The following EMILIN3 variants were observed in gnomAD, a reference collection of about 807,000 sequenced individuals.
EMILIN3 encodes the protein elastin microfibril interfacer 3, also known as EMILIN-3.
Under a neutral mutation model 42.8 loss-of-function variants are expected in EMILIN3, and 38 were observed. That is an observed-to-expected ratio of 0.89 (90% CI 0.69 to 1.16). The LOEUF (loss-of-function observed/expected upper bound fraction) is 1.16, where lower values mean the gene tolerates loss of function less well. Among genes scored for constraint, EMILIN3 ranks in the 50% most tolerant of loss-of-function variants. The pLI, the probability that EMILIN3 is intolerant of heterozygous loss-of-function variation, is 0.00. For synonymous variants in EMILIN3, 430 were observed against 440.5 expected (o/e 0.98, Z 0.30); for missense variants, 924 against 999.5 (o/e 0.92, Z 1.02).
In EMILIN3 at chr20:41,362,691, G is replaced by A. The variant is rs144752547; in HGVS notation, c.878C>T (p.Pro293Leu). Residue 293 changes from proline to leucine, a missense_variant, in exon 4 of 4, where the codon CCG (proline) becomes CTG (leucine). By Grantham distance (98) the Pro-to-Leu change is moderately conservative. Transcript: ENST00000332312. ...LQRLREAPPS[P>L]LTSLALLEEY... Reference sequence around the variant, plus strand: ...CTCCAGCAGGGCCAGGGAGGTGAGCGGGGATGGTGGGGCTTCCCGCAGCCG... The same window carrying A: ...CTCCAGCAGGGCCAGGGAGGTGAGCAGGGATGGTGGGGCTTCCCGCAGCCG... 31 of 1,613,114 alleles carry A rather than the reference G, an allele frequency of 1.9e-5. No individual in the cohort carries two copies. The highest frequency in any genetic ancestry group is 1.2e-4 in the South Asian group (11 of 91,048).
In EMILIN3 at chr20:41,361,954, C is replaced by A. The variant is rs771775276; in HGVS notation, c.1615G>T (p.Ala539Ser). Residue 539 changes from alanine to serine, a missense_variant, in exon 4 of 4, where the codon GCC becomes TCC. Coordinates refer to ENST00000332312, the MANE Select transcript of EMILIN3 (RefSeq NM_052846.2). ...ILDSLVAEVK[A>S]WQSRSEALLR... ...AGGGCCTCGCTCCGGCTCTGCCAGG[C>A]CTTCACCTCTGCCACGAGGCTGTCC... is the stretch of plus-strand genomic sequence containing the variant. The A allele has an allele frequency of 1.2e-6, 2 of 1,612,298 alleles. No homozygotes were observed. Among genetic ancestry groups the A allele is most frequent in the Admixed American group, 1.7e-5 (1 of 59,984 alleles).
chr20:41,363,163 CAG>C (rs2046375826), intron 3 of EMILIN3, 109 bp from the exon 4 acceptor site: 3 of 1,004,294 alleles, frequency 3.0e-6, no homozygotes, highest in African/African-American at 3.4e-5. Context: ...TTTTTTGAGA[CAG>C]AGTCTTGCTC....
intron 2 of EMILIN3, 122 bp downstream of exon 2, chr20:41,364,913 G>C (rs1438907856): frequency 2.8e-6 from 4 of 1,444,082 alleles, no homozygotes; most frequent in African/African-American, 2.8e-5. Flanking sequence ...CTGTATGGGG[G>C]CTCAGGTGGG....
At position 41,361,343 on chromosome 20, in the gene EMILIN3, A is replaced by G. The variant is rs1370705425; in HGVS notation, c.2226T>C (p.Ile742=). Residue 742 remains isoleucine, a synonymous_variant, in exon 4 of 4, where the codon ATT becomes ATC. Transcript: ENST00000332312. ...NRTLAQHTQD[I]ARLRDDLLDC... ...CCAGTAGGTCATCCCGGAGGCGGGC[A>G]ATGTCCTGCGTGTGCTGGGCCAGCG... 1 of 1,611,592 alleles carries G rather than the reference A, an allele frequency of 6.2e-7. No individual in the cohort carries two copies. Among genetic ancestry groups the G allele is most frequent in the Non-Finnish European group, 8.5e-7 (1 of 1,178,490 alleles).
chr20:41,366,462 G>A lies in EMILIN3; in HGVS notation c.167+6C>T. On this transcript the variant is annotated splice_donor_region_variant and intron_variant, in intron 1 of 3. Coordinates refer to ENST00000332312, the MANE Select transcript of EMILIN3 (RefSeq NM_052846.2). This position sits in a 1 kb window ranked among gnomAD's most constrained non-coding sequence, Gnocchi z 4.2. The stretch of plus-strand genomic sequence containing the variant: ...CTCTTCCCGCCCGCCGCCCGCCCGC[G>A]CTTACTTGTGCGGCCCCGGGCGCAG... 8.9e-7 allele frequency: 1 copy of A among 1,126,888 alleles called. No individual in the cohort carries two copies. The allele number at this position is 1,126,888 out of a possible 1,614,324, so 69.8% of individuals were successfully genotyped here.
At chr20:41,363,393 G>A (rs928208639) in intron 3 of EMILIN3, among the ~76,000 whole-genome samples, 5 of 152,082 alleles carry the variant, frequency 3.3e-5, no homozygotes, top group East Asian at 1.9e-4. Context: ...CACCCGCCTC[G>A]GCCTCCCAAA....
In EMILIN3 at chr20:41,364,303, C is replaced by T. The variant is rs1600756092; in HGVS notation, c.291-442G>A. ...AGCCCCCTCACTGCCCTGGGGGCCA[C>T]TCTTGGCTCCTACCTGCTCCCCTTA... On this transcript the variant is annotated intron_variant, in intron 2 of 3. Coordinates refer to ENST00000332312, the MANE Select transcript of EMILIN3 (RefSeq NM_052846.2). Among the ~76,000 whole-genome samples, 4 of 152,282 alleles carry T rather than the reference C, an allele frequency of 2.6e-5. No individual in the cohort carries two copies. The South Asian group carries it at 8.3e-4, about 32-fold the overall frequency.
chr20:41,366,429 A>T lies in EMILIN3; in HGVS notation c.167+39T>A. The T allele has an allele frequency of 1.1e-5, 12 of 1,099,856 alleles. No individual in the cohort carries two copies. The highest frequency in any genetic ancestry group is 1.3e-5 in the Non-Finnish European group (12 of 904,350). 68.1% of individuals were successfully genotyped at this position (1,099,856 alleles called of 1,614,324 possible). A position where few individuals can be genotyped will look rare whatever the true frequency, so the allele number is the denominator to read the frequency against. Reference sequence around the variant, plus strand: ...TGGGAGCGGCGACGCGCGCGGGCCCATCCCTCCCTCTTCCCGCCCGCCGCC... The same window carrying T: ...TGGGAGCGGCGACGCGCGCGGGCCCTTCCCTCCCTCTTCCCGCCCGCCGCC... On this transcript the variant is annotated intron_variant, in intron 1 of 3. Transcript: ENST00000332312. The surrounding 1 kb of genome is among the most constrained non-coding windows in gnomAD (Gnocchi z 4.2).
At chr20:41,363,582 TGCC>T in intron 3 of EMILIN3, 53 bp downstream of exon 3, 1 of 1,512,958 alleles carries the variant, frequency 6.6e-7, no homozygotes, top group Non-Finnish European at 8.9e-7. Flanking sequence ...TCCCTGCCCC[TGCC>T]ACTGAGCCCA....
intron 2 of EMILIN3, 63 bp downstream of exon 2, chr20:41,364,972 C>T: frequency 1.9e-6 from 3 of 1,603,926 alleles, no homozygotes; most frequent in African/African-American, 2.7e-5. Context: ...CTGCTCTCAG[C>T]TGAAGGCAGG....
At position 41,362,114 on chromosome 20, in the gene EMILIN3, A is replaced by G; in HGVS notation, c.1455T>C (p.Ala485=). Residue 485 remains alanine, a synonymous_variant, in exon 4 of 4, where the codon GCT becomes GCC. Coordinates refer to ENST00000332312, the MANE Select transcript of EMILIN3 (RefSeq NM_052846.2). Reference sequence around the variant, plus strand: ...AGGCGCTGTCATGGCTTAGCTCCCCAGCCAATGTTGCTAGGCGCTCCTCGA... The same window carrying G: ...AGGCGCTGTCATGGCTTAGCTCCCCGGCCAATGTTGCTAGGCGCTCCTCGA... ...QSLEERLATL[A]GELSHDSASP... The G allele has an allele frequency of 3.7e-6, 6 of 1,606,214 alleles. No individual in the cohort carries two copies. Among genetic ancestry groups the G allele is most frequent in the African/African-American group, 1.3e-5 (1 of 74,918 alleles).
chr20:41,366,678 C>A lies in EMILIN3; in HGVS notation c.-44G>T. The A allele has an allele frequency of 1.0e-6, 1 of 984,472 alleles. No homozygotes were observed. The allele number at this position is 984,472 out of a possible 1,614,324, so 61.0% of individuals were successfully genotyped here. ...GCCCGGCCCCGCGCGGTGCCCCCCG[C>A]CGGGTGTCCGCCTGCAGCGCCGCGC... On this transcript the variant is annotated 5_prime_UTR_variant, in exon 1 of 4. Transcript: ENST00000332312. This position sits in a 1 kb window ranked among gnomAD's most constrained non-coding sequence, Gnocchi z 4.2.
In EMILIN3 at chr20:41,361,538, G is replaced by A. The variant is rs370647878; in HGVS notation, c.2031C>T (p.Asp677=). ...KVASGLSRCQ[D]TAQKLQHTVG... ...CTGTGTGCTGAAGTTTCTGGGCTGTGTCCTGGCAGCGGCTCAGCCCACTGG... is the reference window on the plus strand; with the variant it reads ...CTGTGTGCTGAAGTTTCTGGGCTGTATCCTGGCAGCGGCTCAGCCCACTGG... The change falls in exon 4 of 4, where the codon GAC becomes GAT. Residue 677 remains aspartate, a synonymous_variant. Coordinates refer to ENST00000332312, the MANE Select transcript of EMILIN3 (RefSeq NM_052846.2). 1.2e-6 allele frequency: 2 copies of A among 1,613,118 alleles called. No homozygotes were observed. The highest frequency in any genetic ancestry group is 2.2e-5 in the East Asian group (1 of 44,880).
Position 41,361,698 on chromosome 20 carries a change from C to T in EMILIN3, c.1871G>A (p.Arg624His), listed in dbSNP as rs202090558. ...GGCCTGGACTTCGGCTTCCACCTTG[C>T]GTTCCCGCTCATCCAGGGACGTGTT... is the stretch of plus-strand genomic sequence containing the variant. ...AANTSLDERE[R>H]KVEAEVQAIQ... is the part of the protein sequence containing the mutation. Residue 624 changes from arginine (R) to histidine (H), a missense_variant, in exon 4 of 4, where the codon CGC becomes CAC. Arg to His is a conservative substitution (Grantham distance 29). Transcript: ENST00000332312. The T allele has an allele frequency of 4.2e-5, 68 of 1,609,940 alleles. No homozygotes were observed. In the East Asian group the frequency reaches 6.7e-4, roughly 16 times the overall value.
Position 41,363,051 on chromosome 20 carries a change from C to T in EMILIN3, c.518G>A (p.Arg173Lys), listed in dbSNP as rs772311629. The T allele has an allele frequency of 1.6e-5, 25 of 1,564,142 alleles. No homozygotes were observed. In the Admixed American group the frequency reaches 4.5e-4, roughly 28 times the overall value. Residue 173 changes from arginine to lysine, a missense_variant, in exon 4 of 4, where the codon AGG becomes AAG. By Grantham distance (26) the Arg-to-Lys change is conservative (BLOSUM62 2). Coordinates refer to ENST00000332312, the MANE Select transcript of EMILIN3 (RefSeq NM_052846.2). ...CTCACCAAACAGCCCTGGGCCTTTC[C>T]TTCCTGGGAAAGAGAAGAGAGCCCC... is the stretch of plus-strand genomic sequence containing the variant. Reference protein sequence around the residue: ...YSRAAPSPHGRKGPGLFGERL... With the variant: ...YSRAAPSPHGKKGPGLFGERL...
At chr20:41,365,235 G>A in intron 1 of EMILIN3, 78 bp from the exon 2 acceptor site, 3 of 1,565,372 alleles carry the variant, frequency 1.9e-6, no homozygotes, top group Non-Finnish European at 2.6e-6. Context: ...ACCTCCATCT[G>A]TGGGCCTCAG....
In EMILIN3 at chr20:41,361,698, C is replaced by A. The variant is rs202090558; in HGVS notation, c.1871G>T (p.Arg624Leu). 2 of 1,609,826 alleles carry A rather than the reference C, an allele frequency of 1.2e-6. No individual in the cohort carries two copies. Among genetic ancestry groups the A allele is most frequent in the Non-Finnish European group, 1.7e-6 (2 of 1,177,636 alleles). Reference sequence around the variant, plus strand: ...GGCCTGGACTTCGGCTTCCACCTTGCGTTCCCGCTCATCCAGGGACGTGTT... The same window carrying A: ...GGCCTGGACTTCGGCTTCCACCTTGAGTTCCCGCTCATCCAGGGACGTGTT... ...AANTSLDERE[R>L]KVEAEVQAIQ... The change falls in exon 4 of 4, where the codon CGC (arginine) becomes CTC (leucine). Residue 624 changes from arginine to leucine, a missense_variant. Coordinates refer to ENST00000332312, the MANE Select transcript of EMILIN3 (RefSeq NM_052846.2).
chr20:41,362,331 C>T lies in EMILIN3; in HGVS notation c.1238G>A (p.Gly413Asp). ...CGTAAGCTCATCCCCGGCCGGGGCA[C>T]CGGGGCCCCTTTGGGTCTCGGTGAC... Reference protein sequence around the residue: ...QAVTETQRGPGAPAGDELTRL... With the variant: ...QAVTETQRGPDAPAGDELTRL... Residue 413 changes from glycine to aspartate, a missense_variant, in exon 4 of 4, where the codon GGT becomes GAT. Coordinates refer to ENST00000332312, the MANE Select transcript of EMILIN3 (RefSeq NM_052846.2). 1 of 1,611,618 alleles carries T rather than the reference C, an allele frequency of 6.2e-7. No homozygotes were observed. The highest frequency in any genetic ancestry group is 8.5e-7 in the Non-Finnish European group (1 of 1,179,920).
Position 41,366,459 on chromosome 20 carries a change from C to G in EMILIN3, c.167+9G>C. 1 of 1,125,164 alleles carries G rather than the reference C, an allele frequency of 8.9e-7. No homozygotes were observed. The highest frequency in any genetic ancestry group is 1.1e-6 in the Non-Finnish European group (1 of 920,042). The allele number at this position is 1,125,164 out of a possible 1,614,324, so 69.7% of individuals were successfully genotyped here. On this transcript the variant is annotated intron_variant, in intron 1 of 3. Coordinates refer to ENST00000332312, the MANE Select transcript of EMILIN3 (RefSeq NM_052846.2). This position sits in a 1 kb window ranked among gnomAD's most constrained non-coding sequence, Gnocchi z 4.2. ...TCCCTCTTCCCGCCCGCCGCCCGCC[C>G]GCGCTTACTTGTGCGGCCCCGGGCG...
Sources: allele counts gnomAD v4.1 joint callset (sites outside exome capture counted in the v4.1 genomes callset), GRCh38; gene constraint gnomAD v4.1.1; non-coding constraint Gnocchi (gnomAD v3.1); transcripts MANE v1.5; gene names NCBI Gene and HGNC (gene_info 2026-07-23, HGNC 2026-07-21).